The following SV2C variants were observed in gnomAD, a reference collection of about 807,000 sequenced individuals.
SV2C encodes solute carrier family 22 member B3.
SV2C carries 49 observed loss-of-function variants against 79.7 expected under a neutral mutation model. That is an observed-to-expected ratio of 0.61 (90% CI 0.49 to 0.78). The LOEUF is 0.78. Ranked by LOEUF, SV2C falls within the 30% of genes least tolerant of loss-of-function variation. SV2C has a pLI of 0.00. For missense variants in SV2C, 833 were observed against 912.9 expected (o/e 0.91, Z 1.13); for synonymous variants, 334 against 333.2 (o/e 1.00, Z -0.03).
chr5:76,231,616 T>G (rs1745426368), intron 4 of SV2C, among the ~76,000 whole-genome samples: 1 of 136,840 alleles, frequency 7.3e-6, no homozygotes, highest in African/African-American at 3.2e-5. Flanking sequence ...GTCCCCAGAG[T>G]GTGATATTCC....
chr5:75,883,308 A>G, the SV2C span, among the ~76,000 whole-genome samples: 1 of 143,314 alleles, frequency 7.0e-6, no homozygotes, highest in Non-Finnish European at 1.5e-5. Context: ...CTAGAACTAG[A>G]AATACCATTT....
At chr5:75,953,328 G>T in the SV2C span, among the ~76,000 whole-genome samples, 55,985 of 151,552 alleles carry the variant, frequency 0.37, 11,209 homozygotes, top group African/African-American at 0.49. Flanking sequence ...CAACACTGAG[G>T]GTCACATTTT....
chr5:76,132,677 C>G (rs1561230163), intron 2 of SV2C, among the ~76,000 whole-genome samples: 1 of 152,104 alleles, frequency 6.6e-6, no homozygotes, highest in Non-Finnish European at 1.5e-5. Context: ...CAAAGCTACT[C>G]TCTTGGAAGT....
chr5:75,866,410 A>C, the SV2C span, among the ~76,000 whole-genome samples: 1 of 152,248 alleles, frequency 6.6e-6, no homozygotes, highest in Non-Finnish European at 1.5e-5. Flanking sequence ...ATTACTTTTA[A>C]TAAATATTCA....
intron 6 of SV2C, among the ~76,000 whole-genome samples, chr5:76,288,600 G>A (rs1445694762): frequency 1.3e-5 from 2 of 152,174 alleles, no homozygotes; most frequent in Non-Finnish European, 2.9e-5. Flanking sequence ...CTTCTGAGAA[G>A]GTGTCTCTAT....
At chr5:76,011,359 A>T in the SV2C span, among the ~76,000 whole-genome samples, 1 of 152,112 alleles carries the variant, frequency 6.6e-6, no homozygotes, top group African/African-American at 2.4e-5. Flanking sequence ...TAGTTCTCCC[A>T]TTCTGGAGAT....
At chr5:76,347,105 G>A (rs1749559480) in intron 12 of SV2C, among the ~76,000 whole-genome samples, 1 of 118,034 alleles carries the variant, frequency 8.5e-6, no homozygotes, top group African/African-American at 4.5e-5. Flanking sequence ...GACGGGGCAG[G>A]AGAAAGCTGA....
At chr5:76,047,642 A>T in the SV2C span, among the ~76,000 whole-genome samples, 2 of 152,230 alleles carry the variant, frequency 1.3e-5, no homozygotes, top group Admixed American at 6.5e-5. Context: ...TTCTAAATTT[A>T]AAAAATTATG....
At chr5:76,030,265 T>G in the SV2C span, among the ~76,000 whole-genome samples, 1 of 91,798 alleles carries the variant, frequency 1.1e-5, no homozygotes, top group Non-Finnish European at 2.5e-5. Context: ...GTCAGAGGCT[T>G]GTTTTTTTTT....
chr5:75,995,956 T>C, the SV2C span, among the ~76,000 whole-genome samples: 2 of 152,134 alleles, frequency 1.3e-5, no homozygotes, highest in Admixed American at 6.6e-5. Context: ...GTACATGTGG[T>C]AGAAAAGTGA....
chr5:76,319,765 C>T lies in SV2C; in HGVS notation c.2001-5599C>T, dbSNP rs1050433513. On this transcript the variant is annotated intron_variant, in intron 12 of 12. Coordinates refer to ENST00000502798, the MANE Select transcript of SV2C (RefSeq NM_014979.4). ...AGGAGATAGCAGCCCACATTTTATACGCTATTCTGAGTTATACCAGAGGTT... is the reference window on the plus strand; with the variant it reads ...AGGAGATAGCAGCCCACATTTTATATGCTATTCTGAGTTATACCAGAGGTT... 7.9e-5 allele frequency among the ~76,000 whole-genome samples: 12 copies of T among 152,310 alleles called. No individual in the cohort carries two copies. In the South Asian group the frequency reaches 1.7e-3, roughly 21 times the overall value.
the SV2C span, among the ~76,000 whole-genome samples, chr5:76,035,284 T>C: frequency 6.6e-6 from 1 of 152,132 alleles, no homozygotes; most frequent in Non-Finnish European, 1.5e-5. Flanking sequence ...ATATCTTGCC[T>C]TCTGCTAGCT....
intron 2 of SV2C, chr5:76,173,958 G>A: frequency 6.4e-7 from 1 of 1,564,738 alleles, no homozygotes; most frequent in Non-Finnish European, 8.8e-7. Context: ...GCAAACCCTT[G>A]TCCATTTTTC....
At chr5:75,921,573 C>A in the SV2C span, 7 of 947,072 alleles carry the variant, frequency 7.4e-6, no homozygotes, top group Non-Finnish European at 1.7e-6. Context: ...TCATTGCGGC[C>A]CGTGAAGTTC....
intron 4 of SV2C, among the ~76,000 whole-genome samples, chr5:76,220,865 A>C (rs1422612670): frequency 6.6e-6 from 1 of 152,180 alleles, no homozygotes; most frequent in Non-Finnish European, 1.5e-5. Flanking sequence ...GGAAGGATTC[A>C]TAAGGATATG....
chr5:76,084,621 C>T (rs1442624116), intron 1 of SV2C, among the ~76,000 whole-genome samples: 1 of 140,078 alleles, frequency 7.1e-6, no homozygotes, highest in East Asian at 2.3e-4. Context: ...GCCGCCTGGA[C>T]GGCCTGAGCT....
the SV2C span, among the ~76,000 whole-genome samples, chr5:75,934,099 TG>T: frequency 1.2e-4 from 18 of 152,290 alleles, no homozygotes; most frequent in African/African-American, 3.8e-4. Flanking sequence ...CTCCATTTTA[TG>T]GAGTTTGGAC....
At chr5:76,276,564 G>A (rs1747027773) in intron 4 of SV2C, among the ~76,000 whole-genome samples, 1 of 152,074 alleles carries the variant, frequency 6.6e-6, no homozygotes, top group African/African-American at 2.4e-5. Flanking sequence ...CTGACCTCAG[G>A]TGATCCACCC....
intron 2 of SV2C, among the ~76,000 whole-genome samples, chr5:76,183,683 C>T (rs974310929): frequency 2.6e-5 from 4 of 152,140 alleles, no homozygotes; most frequent in South Asian, 2.1e-4. Flanking sequence ...CCACTCTCCC[C>T]CAACCCATGA....
Sources: allele counts gnomAD v4.1 joint callset (sites outside exome capture counted in the v4.1 genomes callset), GRCh38; gene constraint gnomAD v4.1.1; transcripts MANE v1.5; gene names NCBI Gene and HGNC (gene_info 2026-07-23, HGNC 2026-07-21).